RAB43: variants seen among roughly 807,000 people sequenced by gnomAD.
RAB43 encodes RAB43, member RAS oncogene family.
RAB43 carries 6 observed loss-of-function variants against 18.8 expected under a neutral mutation model. That is an observed-to-expected ratio of 0.32 (90% CI 0.17 to 0.63). The LOEUF (loss-of-function observed/expected upper bound fraction) is 0.63. Among genes scored for constraint, RAB43 ranks in the 30% least tolerant of loss-of-function variants. The pLI is 0.79. For synonymous variants in RAB43, 103 were observed against 124.1 expected, an observed-to-expected ratio of 0.83 and a Z score of 1.13; for missense variants, 195 against 289.1, an observed-to-expected ratio of 0.67 and a Z score of 2.36.
chr3:129,104,704 T>C (rs1237323115), intron 1 of RAB43, among the ~76,000 whole-genome samples: 1 of 152,238 alleles, frequency 6.6e-6, no homozygotes, highest in Non-Finnish European at 1.5e-5. Context: ...AAGCACATGT[T>C]GGGTGAGGGA....
In RAB43 at chr3:129,091,366, C is replaced by A. The variant is rs757270455; in HGVS notation, c.389-20G>T. ...TGTTCCCTGCGGAGGAAAGCCGGGG[C>A]AGCATGAGGCCATGGGGGCTGGGCA... On this transcript the variant is annotated intron_variant, in intron 2 of 2. Transcript: ENST00000315150. 3.7e-5 allele frequency: 59 copies of A among 1,601,262 alleles called. No homozygotes were observed. The East Asian group carries it at 1.3e-3, about 36-fold the overall frequency.
At chr3:129,106,898 C>T (rs1292229672) in intron 1 of RAB43, among the ~76,000 whole-genome samples, 2 of 152,192 alleles carry the variant, frequency 1.3e-5, no homozygotes, top group Non-Finnish European at 2.9e-5. Flanking sequence ...CCAGGATGTG[C>T]GTTCCTGTTC....
chr3:129,116,435 T>G (rs535754344), intron 1 of RAB43, among the ~76,000 whole-genome samples: 21 of 152,394 alleles, frequency 1.4e-4, no homozygotes, highest in African/African-American at 3.8e-4. Flanking sequence ...CCTTTTGCTA[T>G]TTCTAATGAA....
At chr3:129,114,275 G>A (rs181153885) in intron 1 of RAB43, among the ~76,000 whole-genome samples, 2 of 152,290 alleles carry the variant, frequency 1.3e-5, no homozygotes, top group Admixed American at 6.5e-5. Context: ...AGCAATACAA[G>A]ATGGCCTAGA....
In RAB43 at chr3:129,090,907, G is replaced by T. The variant is rs1466425929; in HGVS notation, c.*189C>A. On this transcript the variant is annotated 3_prime_UTR_variant, in exon 3 of 3. Transcript: ENST00000315150. ...CTGGCTGGCAGGGTGGCCCGCCAGG[G>T]TATCCTGCTTCCCCTTCCTCAAGGA... 1 of 498,264 alleles carries T rather than the reference G, an allele frequency of 2.0e-6. No homozygotes were observed. Among genetic ancestry groups the T allele is most frequent in the Admixed American group, 3.8e-5 (1 of 26,384 alleles). The allele number at this position is 498,264 out of a possible 1,614,324, so 30.9% of individuals were successfully genotyped here. A position where few individuals can be genotyped will look rare whatever the true frequency, so the allele number is the denominator to read the frequency against.
chr3:129,093,963 G>T (rs1338602946), intron 2 of RAB43, among the ~76,000 whole-genome samples: 1 of 152,214 alleles, frequency 6.6e-6, no homozygotes, highest in East Asian at 1.9e-4. Context: ...ACCTGTTGGG[G>T]TGAGGACCCC....
At position 129,107,490 on chromosome 3, in the gene RAB43, G is replaced by A. The variant is rs553801767; in HGVS notation, c.205-12321C>T. Among the ~76,000 whole-genome samples the A allele has an allele frequency of 6.6e-6, 1 of 152,202 alleles. No individual in the cohort carries two copies. The highest frequency in any genetic ancestry group is 2.4e-5 in the African/African-American group (1 of 41,530). ...TGCCACCCAAACACCTTGCTTGCTT[G>A]CAGGCTCCTTTCAGCACCAGGGAAA... On this transcript the variant is annotated intron_variant, in intron 1 of 2. Transcript: ENST00000315150. This position sits in a 1 kb window ranked among gnomAD's most constrained non-coding sequence, Gnocchi z 4.2.
At chr3:129,106,279 C>A (rs1934777268) in intron 1 of RAB43, among the ~76,000 whole-genome samples, 1 of 152,182 alleles carries the variant, frequency 6.6e-6, no homozygotes, top group South Asian at 2.1e-4. Flanking sequence ...TAGAGAGGGA[C>A]CTTGGAAAAG....
At chr3:129,112,584 C>T (rs2108023477) in intron 1 of RAB43, among the ~76,000 whole-genome samples, 1 of 152,254 alleles carries the variant, frequency 6.6e-6, no homozygotes, top group East Asian at 1.9e-4. Flanking sequence ...TCAAAATGCA[C>T]CTTGCCCCCT....
intron 1 of RAB43, among the ~76,000 whole-genome samples, chr3:129,104,680 C>T (rs1934639840): frequency 6.6e-6 from 1 of 152,256 alleles, no homozygotes; most frequent in African/African-American, 2.4e-5. Context: ...CTGCCCATCG[C>T]TGCCTCAGTC....
At chr3:129,118,389 C>T (rs1029368473) in intron 1 of RAB43, among the ~76,000 whole-genome samples, 20 of 152,264 alleles carry the variant, frequency 1.3e-4, no homozygotes, top group African/African-American at 4.8e-4. Flanking sequence ...CAGGAGAATT[C>T]TTTAGTCAAA....
intron 1 of RAB43, among the ~76,000 whole-genome samples, chr3:129,113,451 A>C (rs1246939975): frequency 6.6e-6 from 1 of 152,072 alleles, no homozygotes; most frequent in African/African-American, 2.4e-5. Flanking sequence ...GGCATGAGCC[A>C]CTACACTCGG....
intron 1 of RAB43, among the ~76,000 whole-genome samples, chr3:129,112,998 C>G (rs2108024289): frequency 6.6e-6 from 1 of 152,082 alleles, no homozygotes; most frequent in African/African-American, 2.4e-5. Context: ...AAACCCACCC[C>G]TGGAATACCC....
chr3:129,114,741 C>G (rs886320527), intron 1 of RAB43, among the ~76,000 whole-genome samples: 1 of 152,168 alleles, frequency 6.6e-6, no homozygotes, highest in Non-Finnish European at 1.5e-5. Context: ...ATGTGGATAT[C>G]CTGAGTCACA....
chr3:129,099,884 GAT>G (rs1934311524), intron 1 of RAB43, among the ~76,000 whole-genome samples: 1 of 152,274 alleles, frequency 6.6e-6, no homozygotes, highest in Middle Eastern at 3.4e-3. Context: ...GGATATGTGA[GAT>G]AATACCAAAC....
intron 2 of RAB43, among the ~76,000 whole-genome samples, chr3:129,093,094 G>T (rs1047473431): frequency 6.6e-6 from 1 of 151,890 alleles, no homozygotes; most frequent in Admixed American, 6.5e-5. Flanking sequence ...AGGTTCAAGC[G>T]ATTCTCCTAC....
intron 1 of RAB43, among the ~76,000 whole-genome samples, chr3:129,106,647 C>T (rs1934802009): frequency 6.6e-6 from 1 of 152,146 alleles, no homozygotes; most frequent in African/African-American, 2.4e-5. Context: ...CAGGCTGGAC[C>T]AGCGACACAG....
Position 129,094,505 on chromosome 3 carries a change from C to CTTTTT in RAB43, c.388+476_388+480dup, listed in dbSNP as rs200896936. On this transcript the variant is annotated intron_variant, in intron 2 of 2. Coordinates refer to ENST00000315150, the MANE Select transcript of RAB43 (RefSeq NM_198490.3). ...TAATTCCAATTTTGAATATAACTTT[C>CTTTTT]TTTTTTTTTTTTTTTTTTTTTTTTT... Among the ~76,000 whole-genome samples the CTTTTT allele has an allele frequency of 8.2e-3, 566 of 69,154 alleles. 115 individuals carry two copies. Among genetic ancestry groups the CTTTTT allele is most frequent in the Middle Eastern group, 0.019 (1 of 54 alleles). 45.4% of individuals were successfully genotyped at this position (69,154 alleles called of 152,430 possible). A position where few individuals can be genotyped will look rare whatever the true frequency, so the allele number is the denominator to read the frequency against.
intron 1 of RAB43, among the ~76,000 whole-genome samples, chr3:129,120,880 G>C (rs1935860649): frequency 6.6e-6 from 1 of 152,222 alleles, no homozygotes; most frequent in Non-Finnish European, 1.5e-5. Context: ...CCGGTGGGCT[G>C]AGCTGGGGGC....
Sources: gnomAD v4.1 joint callset for allele counts (sites outside exome capture counted in the v4.1 genomes callset) on GRCh38, gnomAD v4.1.1 for gene constraint, Gnocchi (gnomAD v3.1) non-coding constraint, MANE v1.5 for transcripts, NCBI Gene and HGNC (gene_info 2026-07-23, HGNC 2026-07-21) for gene names.